The following ASTN2 variants were observed in gnomAD, a reference collection of about 807,000 sequenced individuals.
The protein encoded by ASTN2 is astrotactin 2.
A neutral mutation model predicts 139.8 loss-of-function variants in ASTN2; 54 were observed. The observed-to-expected ratio is 0.39, with a 90% CI of 0.31 to 0.48. The LOEUF (loss-of-function observed/expected upper bound fraction) is 0.48, where lower values mean the gene tolerates loss of function less well. ASTN2 is among the 20% of genes least tolerant of loss of function. The pLI is 0.95. For synonymous variants in ASTN2, 756 were observed against 719.5 expected, an observed-to-expected ratio of 1.05 and a Z score of -0.81; for missense variants, 1,565 against 1,725.1, an observed-to-expected ratio of 0.91 and a Z score of 1.64.
chr9:116,995,523 A>T (rs1053523778), intron 7 of ASTN2, among the ~76,000 whole-genome samples: 81 of 152,352 alleles, frequency 5.3e-4, no homozygotes, highest in African/African-American at 1.9e-3. Context: ...AAAGCAGTGG[A>T]TAATGCAGAC....
Position 116,706,833 on chromosome 9 carries a change from G to A in ASTN2, c.2806+18938C>T, listed in dbSNP as rs1386711226. Among the ~76,000 whole-genome samples, 6 of 137,456 alleles carry A rather than the reference G, an allele frequency of 4.4e-5. No homozygotes were observed. The Admixed American group carries it at 5.0e-4, about 12-fold the overall frequency. 90.2% of individuals were successfully genotyped at this position (137,456 alleles called of 152,430 possible). A position where few individuals can be genotyped will look rare whatever the true frequency, so the allele number is the denominator to read the frequency against. ...TTTGTGCTGTGCTGCTTTGTACTGC[G>A]TTCACTGAGCCTTACCAAGCTTCTG... On this transcript the variant is annotated intron_variant, in intron 16 of 22. Coordinates refer to ENST00000313400, the MANE Select transcript of ASTN2 (RefSeq NM_001365068.1).
intron 2 of ASTN2, among the ~76,000 whole-genome samples, chr9:117,251,807 T>C (rs778932430): frequency 6.6e-6 from 1 of 152,138 alleles, no homozygotes. Flanking sequence ...GGGAAGATGA[T>C]AGTGTAAGAT....
chr9:116,593,511 G>A (rs973937779), intron 19 of ASTN2, among the ~76,000 whole-genome samples: 4 of 152,122 alleles, frequency 2.6e-5, no homozygotes, highest in African/African-American at 7.2e-5. Context: ...CCTCTGTTCT[G>A]CTGCCAAGAT....
At chr9:117,162,658 G>A (rs1564456278) in intron 3 of ASTN2, among the ~76,000 whole-genome samples, 1 of 152,064 alleles carries the variant, frequency 6.6e-6, no homozygotes, top group South Asian at 2.1e-4. Context: ...TGTAAAATCT[G>A]TAAAATTCAG....
intron 13 of ASTN2, among the ~76,000 whole-genome samples, chr9:116,768,495 T>A (rs1829870970): frequency 6.6e-6 from 1 of 152,166 alleles, no homozygotes; most frequent in South Asian, 2.1e-4. Flanking sequence ...CATTTCCAAA[T>A]AATCTTTCTG....
intron 16 of ASTN2, among the ~76,000 whole-genome samples, chr9:116,695,618 G>T (rs1860806713): frequency 6.6e-6 from 1 of 152,146 alleles, no homozygotes; most frequent in African/African-American, 2.4e-5. Flanking sequence ...CCTTCTCCTG[G>T]GTGGTTGACC....
intron 17 of ASTN2, among the ~76,000 whole-genome samples, chr9:116,633,105 A>G (rs1284305424): frequency 6.6e-6 from 1 of 152,238 alleles, no homozygotes; most frequent in Non-Finnish European, 1.5e-5. Context: ...ACTATCTCCA[A>G]ATCATTTGTC....
chr9:116,842,379 C>T (rs1832287752), intron 11 of ASTN2, among the ~76,000 whole-genome samples: 1 of 152,158 alleles, frequency 6.6e-6, no homozygotes, highest in African/African-American at 2.4e-5. Flanking sequence ...ACTCATTTTA[C>T]AGGCAAGGTT....
intron 13 of ASTN2, among the ~76,000 whole-genome samples, chr9:116,768,542 C>T (rs993591303): frequency 6.6e-6 from 1 of 152,164 alleles, no homozygotes; most frequent in Non-Finnish European, 1.5e-5. Context: ...TAGACAATTG[C>T]TATGGTCTGA....
At chr9:116,808,277 T>TTG (rs10553571) in intron 12 of ASTN2, among the ~76,000 whole-genome samples, 1,567 of 149,612 alleles carry the variant, frequency 0.01, 21 homozygotes, top group Middle Eastern at 0.034. Context: ...TAAATACATA[T>TTG]TGTGTGTGTG....
intron 2 of ASTN2, among the ~76,000 whole-genome samples, chr9:117,236,323 G>T (rs1833043799): frequency 6.6e-6 from 1 of 152,162 alleles, no homozygotes; most frequent in Admixed American, 6.5e-5. Context: ...AGTACTAAGT[G>T]GGCTCTGTGA....
chr9:117,187,153 A>G (rs1831220822), intron 3 of ASTN2, among the ~76,000 whole-genome samples: 1 of 152,178 alleles, frequency 6.6e-6, no homozygotes, highest in Non-Finnish European at 1.5e-5. Flanking sequence ...AAAAATAGAA[A>G]AATTAAGGTA....
intron 10 of ASTN2, among the ~76,000 whole-genome samples, chr9:116,885,302 A>G (rs1221399930): frequency 6.6e-6 from 1 of 152,322 alleles, no homozygotes; most frequent in East Asian, 1.9e-4. Context: ...CACATCCTTT[A>G]CATGTAACAA....
chr9:116,498,896 T>G (rs1309279252), intron 19 of ASTN2, among the ~76,000 whole-genome samples: 1 of 152,190 alleles, frequency 6.6e-6, no homozygotes, highest in Non-Finnish European at 1.5e-5. Context: ...GCCAATACAC[T>G]AACTCACTTC....
At position 117,124,549 on chromosome 9, in the gene ASTN2, T is replaced by C. The variant is rs531104886; in HGVS notation, c.1168+16777A>G. On this transcript the variant is annotated intron_variant, in intron 4 of 22. Transcript: ENST00000313400. ...TAAGTAGCATCATATTACTTTCAAC[T>C]TAAATGGTATCTTTTAGCTGAGAGT... is the stretch of plus-strand genomic sequence containing the variant. Among the ~76,000 whole-genome samples the C allele has an allele frequency of 3.9e-5, 6 of 152,298 alleles. No individual in the cohort carries two copies. The South Asian group carries it at 1.0e-3, about 26-fold the overall frequency.
At chr9:116,480,180 G>A (rs1029313560) in intron 20 of ASTN2, among the ~76,000 whole-genome samples, 2 of 151,692 alleles carry the variant, frequency 1.3e-5, no homozygotes, top group East Asian at 1.9e-4. Context: ...AAGGGAGGAA[G>A]GGAAAGGAAG....
intron 5 of ASTN2, among the ~76,000 whole-genome samples, chr9:117,047,660 C>T (rs1051968679): frequency 1.3e-5 from 2 of 152,108 alleles, no homozygotes; most frequent in Non-Finnish European, 2.9e-5. Flanking sequence ...TTTAATATCT[C>T]CTTCCCAGGG....
At chr9:116,920,812 A>G (rs1834584625) in intron 10 of ASTN2, among the ~76,000 whole-genome samples, 1 of 152,180 alleles carries the variant, frequency 6.6e-6, no homozygotes, top group South Asian at 2.1e-4. Flanking sequence ...AAGCTCCTAG[A>G]GGTTAAGTTA....
intron 1 of ASTN2, among the ~76,000 whole-genome samples, chr9:117,360,480 A>G (rs1829660895): frequency 6.6e-6 from 1 of 152,168 alleles, no homozygotes; most frequent in South Asian, 2.1e-4. Context: ...AACTATACCA[A>G]AGCAAGAAAA....
Sources: allele counts gnomAD v4.1 joint callset (sites outside exome capture counted in the v4.1 genomes callset), GRCh38; gene constraint gnomAD v4.1.1; transcripts MANE v1.5; gene names NCBI Gene and HGNC (gene_info 2026-07-23, HGNC 2026-07-21).